Variants in RASA3 observed in about 807,000 individuals in gnomAD.
RASA3 encodes the protein ras GTPase-activating protein 3.
RASA3 carries 73 observed loss-of-function variants against 110.0 expected under a neutral mutation model. The ratio of observed to expected loss-of-function variants is 0.66; its 90% confidence interval spans 0.55 to 0.81. The LOEUF (loss-of-function observed/expected upper bound fraction) is 0.81, where lower values mean the gene tolerates loss of function less well. Among genes scored for constraint, RASA3 ranks in the 30% least tolerant of loss-of-function variants. The probability of loss-of-function intolerance (pLI) is 0.00; values close to 1 mark genes in which losing one functional copy is unlikely to be tolerated. For missense variants in RASA3, 976 were observed against 1,113.2 expected, an observed-to-expected ratio of 0.88 and a Z score of 1.75; for synonymous variants, 500 against 451.4, an observed-to-expected ratio of 1.11 and a Z score of -1.37.
intron 2 of RASA3, among the ~76,000 whole-genome samples, chr13:114,061,138 A>G (rs942338105): frequency 1.3e-5 from 2 of 152,172 alleles, no homozygotes; most frequent in African/African-American, 4.8e-5. Flanking sequence ...TTCAGTGGCA[A>G]ATATTTCGAG....
In RASA3 at chr13:114,132,442, G is replaced by A; in HGVS notation, c.48C>T (p.Ile16=). ...CTGCCGGCGGACACTCACCGATCTT[G>A]ATCTTCACGCTCTGGAAGACCCGGA... ...EGLRVFQSVK[I]KIGEAKNLPS... Residue 16 remains isoleucine (I), a synonymous_variant, in exon 1 of 24, where the codon ATC becomes ATT. Transcript: ENST00000334062. 6.5e-7 allele frequency: 1 copy of A among 1,529,594 alleles called. No individual in the cohort carries two copies. Among genetic ancestry groups the A allele is most frequent in the Non-Finnish European group, 8.7e-7 (1 of 1,145,934 alleles). 94.8% of individuals were successfully genotyped at this position (1,529,594 alleles called of 1,614,324 possible). A position where few individuals can be genotyped will look rare whatever the true frequency, so the allele number is the denominator to read the frequency against.
At chr13:114,116,515 C>T (rs778973059) in intron 1 of RASA3, among the ~76,000 whole-genome samples, 4 of 118,532 alleles carry the variant, frequency 3.4e-5, no homozygotes, top group South Asian at 5.5e-4. Context: ...CTGCACCTTA[C>T]GGCACACGAA....
At chr13:114,007,883 T>C (rs1016356897) in intron 17 of RASA3, among the ~76,000 whole-genome samples, 3 of 152,232 alleles carry the variant, frequency 2.0e-5, no homozygotes, top group Non-Finnish European at 4.4e-5. Flanking sequence ...GGGGTGACTC[T>C]AAGCAGGGAA....
In RASA3 at chr13:114,018,134, GC is replaced by G; in HGVS notation, c.1060del (p.Ala354ProfsTer7). The part of the protein sequence containing the change: ...HYGRVVPFIS[A>X]IASAEVKRTQ... ...CCGCTTCACCTCCGCGCTGGCGATGGCACTGATGAATGGCACCACCCTGCCA... is the reference window on the plus strand; with the variant it reads ...CCGCTTCACCTCCGCGCTGGCGATGGACTGATGAATGGCACCACCCTGCCA... On this transcript the variant is annotated frameshift_variant, in exon 11 of 24. Transcript: ENST00000334062. LOFTEE classifies it high-confidence loss of function. The G allele has an allele frequency of 6.5e-7, 1 of 1,549,958 alleles. No homozygotes were observed. The highest frequency in any genetic ancestry group is 8.7e-7 in the Non-Finnish European group (1 of 1,146,672).
At position 114,057,117 on chromosome 13, in the gene RASA3, T is replaced by G. The variant is rs1250106640; in HGVS notation, c.174-4962A>C. On this transcript the variant is annotated intron_variant, in intron 2 of 23. Transcript: ENST00000334062. The surrounding 1 kb of genome is among the most constrained non-coding windows in gnomAD (Gnocchi z 5.0). ...AACAGGCTCCAGCACAGGCGATGGG[T>G]GAGTGTTTTGCATGTCTGATGTCGT... 2 of 799,346 alleles carry G rather than the reference T, an allele frequency of 2.5e-6. No individual in the cohort carries two copies. Among genetic ancestry groups the G allele is most frequent in the Non-Finnish European group, 1.5e-6 (1 of 660,408 alleles). 49.5% of individuals were successfully genotyped at this position (799,346 alleles called of 1,614,324 possible).
chr13:114,022,321 G>A (rs902574736), intron 8 of RASA3, among the ~76,000 whole-genome samples: 38 of 152,162 alleles, frequency 2.5e-4, no homozygotes, highest in Non-Finnish European at 4.7e-4. Context: ...CAGCATCCCC[G>A]GCTGCAACAA....
chr13:114,060,731 C>T (rs1449142297), intron 2 of RASA3, among the ~76,000 whole-genome samples: 5 of 152,240 alleles, frequency 3.3e-5, no homozygotes, highest in African/African-American at 7.2e-5. Context: ...TGTCCCCCAG[C>T]GCTGCGCTCG....
chr13:114,042,561 G>T (rs1053986555), intron 3 of RASA3, among the ~76,000 whole-genome samples: 1 of 152,216 alleles, frequency 6.6e-6, no homozygotes, highest in African/African-American at 2.4e-5. Context: ...TCACCGCAGC[G>T]TCCGCAGCCA....
chr13:114,060,311 C>T (rs898426770), intron 2 of RASA3, among the ~76,000 whole-genome samples: 1 of 152,140 alleles, frequency 6.6e-6, no homozygotes, highest in Non-Finnish European at 1.5e-5. Flanking sequence ...TATGCAGGCC[C>T]GTGCAAGACA....
At position 113,978,396 on chromosome 13, in the gene RASA3, C is replaced by A. The variant is rs756492080; in HGVS notation, c.*951G>T. 1 of 152,186 alleles carries A rather than the reference C, an allele frequency of 6.6e-6. No homozygotes were observed. Among genetic ancestry groups the A allele is most frequent in the Non-Finnish European group, 1.5e-5 (1 of 68,040 alleles). The allele number at this position is 152,186 out of a possible 1,614,324, so 9.4% of individuals were successfully genotyped here. ...TCCATTCCTGTTCCATTTGCCTTCC[C>A]GGCAGCCTTCCCTTTAGTGGGTATA... is the stretch of plus-strand genomic sequence containing the variant. On this transcript the variant is annotated 3_prime_UTR_variant, in exon 24 of 24. Transcript: ENST00000334062.
At chr13:114,055,673 G>A (rs953732581) in intron 2 of RASA3, among the ~76,000 whole-genome samples, 10 of 152,220 alleles carry the variant, frequency 6.6e-5, no homozygotes, top group Non-Finnish European at 1.5e-4. Context: ...TGAGGCCTAA[G>A]TGATGGCAGG....
chr13:114,015,309 G>A lies in RASA3; in HGVS notation c.1305C>T (p.Asp435=), dbSNP rs374585492. The A allele has an allele frequency of 1.2e-6, 2 of 1,613,002 alleles. No homozygotes were observed. The highest frequency in any genetic ancestry group is 1.1e-5 in the South Asian group (1 of 91,086). The part of the protein sequence containing the change: ...NNMENLRQYV[D]RVFHAITESG... ...ACTCAGTGATGGCGTGGAAGACGCG[G>A]TCCACATACTGCCGTAGGTTCTCCT... Residue 435 remains aspartate (D), a synonymous_variant, in exon 14 of 24, where the codon GAC becomes GAT. Coordinates refer to ENST00000334062, the MANE Select transcript of RASA3 (RefSeq NM_007368.4).
intron 14 of RASA3, 56 bp downstream of exon 14, chr13:114,015,153 C>T: frequency 6.2e-7 from 1 of 1,603,678 alleles, no homozygotes; most frequent in Admixed American, 1.7e-5. Flanking sequence ...GTGGGAGTCA[C>T]CCTGCACAGC....
chr13:114,042,132 G>A (rs1353453812), intron 3 of RASA3, among the ~76,000 whole-genome samples: 2 of 152,172 alleles, frequency 1.3e-5, no homozygotes, highest in Admixed American at 6.5e-5. Flanking sequence ...CTGCTTATAC[G>A]TTCACCTCAT....
chr13:114,101,559 G>A (rs560252245), intron 1 of RASA3, among the ~76,000 whole-genome samples: 55 of 152,392 alleles, frequency 3.6e-4, no homozygotes, highest in African/African-American at 1.3e-3. Context: ...GCCCCAGCCG[G>A]CACTGCACGC....
intron 1 of RASA3, chr13:114,077,890 TGGG>T: frequency 1.0e-6 from 1 of 982,086 alleles, no homozygotes; most frequent in Non-Finnish European, 1.2e-6. Context: ...AAAAAAAAAG[TGGG>T]GGGACAAAAT....
intron 8 of RASA3, 71 bp downstream of exon 8, chr13:114,024,208 C>A: frequency 7.2e-7 from 1 of 1,397,214 alleles, no homozygotes. Flanking sequence ...TATTTAGTAA[C>A]AAAGAACAAA....
At position 114,057,012 on chromosome 13, in the gene RASA3, G is replaced by A. The variant is rs763133342; in HGVS notation, c.174-4857C>T. On this transcript the variant is annotated intron_variant, in intron 2 of 23. Coordinates refer to ENST00000334062, the MANE Select transcript of RASA3 (RefSeq NM_007368.4). The surrounding 1 kb of genome is among the most constrained non-coding windows in gnomAD (Gnocchi z 5.0). ...AGGAGCTGTTGTCCTTGGGAACCACGGGTCCCCCCTCCTGAAGAAGGGGAA... is the reference window on the plus strand; with the variant it reads ...AGGAGCTGTTGTCCTTGGGAACCACAGGTCCCCCCTCCTGAAGAAGGGGAA... Among the ~76,000 whole-genome samples the A allele has an allele frequency of 3.9e-5, 6 of 152,038 alleles. No individual in the cohort carries two copies. The highest frequency in any genetic ancestry group is 8.8e-5 in the Non-Finnish European group (6 of 68,000).
intron 4 of RASA3, among the ~76,000 whole-genome samples, chr13:114,031,604 C>T (rs566667013): frequency 3.5e-4 from 53 of 151,408 alleles, no homozygotes; most frequent in African/African-American, 1.2e-3. Context: ...GTGTGTGCAC[C>T]GCCTGTGTGT....
Sources: gnomAD v4.1 joint callset for allele counts (sites outside exome capture counted in the v4.1 genomes callset) on GRCh38, gnomAD v4.1.1 for gene constraint, Gnocchi (gnomAD v3.1) non-coding constraint, MANE v1.5 for transcripts, NCBI Gene and HGNC (gene_info 2026-07-23, HGNC 2026-07-21) for gene names.